The following ANKRD17 variants were observed in gnomAD, a reference collection of about 807,000 sequenced individuals.
The protein encoded by ANKRD17 is ankyrin repeat domain-containing protein 17.
Under a neutral mutation model 229.7 loss-of-function variants are expected in ANKRD17, and 19 were observed. The observed-to-expected ratio is 0.08, with a 90% CI of 0.06 to 0.12. The LOEUF (loss-of-function observed/expected upper bound fraction) is 0.12, where lower values mean the gene tolerates loss of function less well. Ranked by LOEUF, ANKRD17 falls within the 10% of genes least tolerant of loss-of-function variation. The pLI is 1.00. For missense variants in ANKRD17, 2,176 were observed against 3,176.8 expected (o/e 0.68, Z 7.57); for synonymous variants, 1,112 against 1,146.1 (o/e 0.97, Z 0.60).
chr4:73,093,441 G>T (rs538741616), intron 28 of ANKRD17, among the ~76,000 whole-genome samples: 1 of 135,470 alleles, frequency 7.4e-6, no homozygotes, highest in Non-Finnish European at 1.5e-5. Context: ...CCAATGGCTC[G>T]ATCTCGGCTC....
At chr4:73,096,499 A>C (rs560492236) in intron 27 of ANKRD17, among the ~76,000 whole-genome samples, 1 of 152,286 alleles carries the variant, frequency 6.6e-6, no homozygotes, top group African/African-American at 2.4e-5. Flanking sequence ...GTAGTTACTA[A>C]GTTTGGTTCA....
rs368241641 is a variant in ANKRD17 at position 73,121,041 on chromosome 4, T to G, written c.3689A>C (p.His1230Pro). Reference sequence around the variant, plus strand: ...TAACAGGAGCTTAACAGCAGCTGTATGCCCATTCATAGCTGCTAACATCAG... The same window carrying G: ...TAACAGGAGCTTAACAGCAGCTGTAGGCCCATTCATAGCTGCTAACATCAG... ...SPLMLAAMNG[H>P]TAAVKLLLDM... is the part of the protein sequence containing the mutation. Residue 1230 changes from histidine (H) to proline (P), a missense_variant, in exon 20 of 34, where the codon CAT (histidine) becomes CCT (proline). His to Pro is a moderately conservative substitution (Grantham distance 77). Transcript: ENST00000358602. 1 of 1,613,838 alleles carries G rather than the reference T, an allele frequency of 6.2e-7. No individual in the cohort carries two copies. The highest frequency in any genetic ancestry group is 8.5e-7 in the Non-Finnish European group (1 of 1,179,894).
chr4:73,163,210 C>T (rs1732771877), intron 2 of ANKRD17, among the ~76,000 whole-genome samples: 1 of 151,988 alleles, frequency 6.6e-6, no homozygotes, highest in Admixed American at 6.6e-5. Flanking sequence ...TCTGGGGATC[C>T]AATTCAGTAA....
At chr4:73,239,137 G>A (rs1336925627) in intron 1 of ANKRD17, among the ~76,000 whole-genome samples, 3 of 152,106 alleles carry the variant, frequency 2.0e-5, no homozygotes, top group Admixed American at 6.5e-5. Flanking sequence ...TCAACAGAGA[G>A]GGATATCCAG....
At chr4:73,144,504 T>G (rs1195548592) in intron 11 of ANKRD17, among the ~76,000 whole-genome samples, 4 of 152,198 alleles carry the variant, frequency 2.6e-5, no homozygotes, top group Admixed American at 6.5e-5. Context: ...ACAGAGAAAT[T>G]TCCCTTTCCT....
intron 1 of ANKRD17, among the ~76,000 whole-genome samples, chr4:73,204,540 T>C (rs1379551313): frequency 6.6e-6 from 1 of 152,050 alleles, no homozygotes; most frequent in Non-Finnish European, 1.5e-5. Flanking sequence ...TAAAGTAAAT[T>C]CTTCAAGTGG....
At chr4:73,110,841 T>C (rs1258820752) in intron 24 of ANKRD17, among the ~76,000 whole-genome samples, 2 of 152,328 alleles carry the variant, frequency 1.3e-5, no homozygotes, top group East Asian at 1.9e-4. Context: ...TTAGATAGAA[T>C]TGATTAATGA....
At chr4:73,129,241 T>TA (rs1315297135) in intron 16 of ANKRD17, among the ~76,000 whole-genome samples, 1 of 152,152 alleles carries the variant, frequency 6.6e-6, no homozygotes, top group Non-Finnish European at 1.5e-5. Flanking sequence ...TTCTGGCTTA[T>TA]AAAAAATGAT....
intron 16 of ANKRD17, among the ~76,000 whole-genome samples, chr4:73,131,317 T>C (rs1314328935): frequency 2.6e-5 from 4 of 152,216 alleles, no homozygotes; most frequent in Non-Finnish European, 4.4e-5. Context: ...ATAAAACATA[T>C]GATTCCTGCT....
At chr4:73,124,790 G>T in intron 18 of ANKRD17, 123 bp downstream of exon 18, 1 of 1,220,062 alleles carries the variant, frequency 8.2e-7, no homozygotes, top group South Asian at 1.7e-5. Flanking sequence ...ATAGATAATA[G>T]TTTCAGTTAT....
rs1723625242 is a variant in ANKRD17 at position 73,098,975 on chromosome 4, C to T, written c.4574-455G>A. ...GAGTCAGAAGGAGCCCAGTGAAGTGCCAACACCTAAGAGACCTTGGGGCCA... is the reference window on the plus strand; with the variant it reads ...GAGTCAGAAGGAGCCCAGTGAAGTGTCAACACCTAAGAGACCTTGGGGCCA... On this transcript the variant is annotated intron_variant, in intron 25 of 33. Transcript: ENST00000358602. The T allele has an allele frequency of 3.0e-6, 3 of 988,960 alleles. No homozygotes were observed. In the African/African-American group the frequency reaches 4.8e-5, roughly 16 times the overall value. 61.3% of individuals were successfully genotyped at this position (988,960 alleles called of 1,614,324 possible).
chr4:73,218,034 A>T (rs1741319714), intron 1 of ANKRD17, among the ~76,000 whole-genome samples: 1 of 152,178 alleles, frequency 6.6e-6, no homozygotes, highest in Non-Finnish European at 1.5e-5. Flanking sequence ...ATAAATGTGA[A>T]TATATGTATT....
At chr4:73,228,628 C>A (rs1377423994) in intron 1 of ANKRD17, among the ~76,000 whole-genome samples, 1 of 152,112 alleles carries the variant, frequency 6.6e-6, no homozygotes, top group African/African-American at 2.4e-5. Context: ...ATTATGCATA[C>A]TTTCTGTATC....
At chr4:73,100,877 T>C (rs1723896001) in intron 25 of ANKRD17, 1 of 985,246 alleles carries the variant, frequency 1.0e-6, no homozygotes, top group African/African-American at 1.7e-5. Context: ...GCACATATTT[T>C]TGGTGGTTTC....
intron 1 of ANKRD17, among the ~76,000 whole-genome samples, chr4:73,212,675 C>T (rs1026894608): frequency 2.0e-5 from 3 of 151,902 alleles, no homozygotes; most frequent in Non-Finnish European, 2.9e-5. Flanking sequence ...AACATTTAAA[C>T]CCACCACATG....
intron 3 of ANKRD17, among the ~76,000 whole-genome samples, chr4:73,159,782 G>A (rs1732248247): frequency 6.6e-6 from 1 of 152,114 alleles, no homozygotes; most frequent in African/African-American, 2.4e-5. Flanking sequence ...TAGTAAAACT[G>A]AACATTTACT....
intron 8 of ANKRD17, among the ~76,000 whole-genome samples, chr4:73,147,914 C>T (rs1432853896): frequency 6.6e-6 from 1 of 152,090 alleles, no homozygotes; most frequent in Admixed American, 6.6e-5. Flanking sequence ...TATACAAGGT[C>T]ACAACATTAT....
At chr4:73,186,045 T>A (rs990007417) in intron 1 of ANKRD17, among the ~76,000 whole-genome samples, 1 of 152,022 alleles carries the variant, frequency 6.6e-6, no homozygotes, top group African/African-American at 2.4e-5. Flanking sequence ...CTTTGAATAC[T>A]GATAAGCAGA....
chr4:73,258,198 C>T, intron 1 of ANKRD17, 78 bp downstream of exon 1: 2 of 1,599,522 alleles, frequency 1.3e-6, no homozygotes, highest in Non-Finnish European at 8.5e-7. Context: ...ATCTGTCCCA[C>T]TCCAAATCCC....
Sources: allele counts gnomAD v4.1 joint callset (sites outside exome capture counted in the v4.1 genomes callset), GRCh38; gene constraint gnomAD v4.1.1; transcripts MANE v1.5; gene names NCBI Gene and HGNC (gene_info 2026-07-23, HGNC 2026-07-21).